Variants in RBFOX1 observed in about 807,000 individuals in gnomAD.
The protein encoded by RBFOX1 is RNA binding protein fox-1 homolog 1.
In RBFOX1, 8 loss-of-function variants were observed where a neutral mutation model predicts 57.7. That is an observed-to-expected ratio of 0.14 (90% CI 0.08 to 0.25). RBFOX1 has a LOEUF of 0.25. Ranked by LOEUF, RBFOX1 falls within the 10% of genes least tolerant of loss-of-function variation. The pLI, the probability that RBFOX1 is intolerant of heterozygous loss-of-function variation, is 1.00. For missense variants in RBFOX1, 611 were observed against 548.5 expected, an observed-to-expected ratio of 1.11 and a Z score of -1.14; for synonymous variants, 326 against 222.4, an observed-to-expected ratio of 1.47 and a Z score of -4.15.
intron 1 of RBFOX1, among the ~76,000 whole-genome samples, chr16:5,267,898 A>G (rs2062901834): frequency 6.6e-6 from 1 of 152,150 alleles, no homozygotes; most frequent in African/African-American, 2.4e-5. Context: ...CCTGGCCAAC[A>G]TGATGAAACA....
chr16:7,454,265 T>C (rs2058027302), intron 4 of RBFOX1, among the ~76,000 whole-genome samples: 1 of 152,094 alleles, frequency 6.6e-6, no homozygotes, highest in African/African-American at 2.4e-5. Flanking sequence ...TCATAGCCAA[T>C]GTCTTCCCAG....
intron 3 of RBFOX1, among the ~76,000 whole-genome samples, chr16:7,002,627 G>A (rs568881628): frequency 3.3e-5 from 5 of 152,190 alleles, no homozygotes; most frequent in Admixed American, 2.0e-4. Flanking sequence ...CAGGAGAATC[G>A]CTTGAACCTG....
intron 1 of RBFOX1, among the ~76,000 whole-genome samples, chr16:5,390,591 A>G (rs1294463296): frequency 6.6e-6 from 1 of 152,108 alleles, no homozygotes; most frequent in Non-Finnish European, 1.5e-5. Flanking sequence ...GCCTGGCCTC[A>G]TATATTATTT....
At chr16:7,430,443 CA>C (rs1348845284) in intron 4 of RBFOX1, among the ~76,000 whole-genome samples, 1 of 152,060 alleles carries the variant, frequency 6.6e-6, no homozygotes, top group Non-Finnish European at 1.5e-5. Flanking sequence ...AGGCAGATCA[CA>C]AGGTGAGGAA....
rs1170936027 is a variant in RBFOX1, at chr16:7,062,893, A to ATTTTTTTTTTT, written c.27+10820_27+10830dup. On this transcript the variant is annotated intron_variant, in intron 4 of 15. Coordinates refer to ENST00000550418, the MANE Select transcript of RBFOX1 (RefSeq NM_018723.4). ...ACCTCATCTCATTCAAATGATCGCC[A>ATTTTTTTTTTT]TTTTTTTTTTTTTTTTTTTTTTTTT... 7.0e-4 allele frequency among the ~76,000 whole-genome samples: 33 copies of ATTTTTTTTTTT among 47,296 alleles called. 2 individuals are homozygous for ATTTTTTTTTTT. The highest frequency in any genetic ancestry group is 1.2e-3 in the African/African-American group (13 of 10,918). 31.0% of individuals were successfully genotyped at this position (47,296 alleles called of 152,430 possible).
intron 4 of RBFOX1, among the ~76,000 whole-genome samples, chr16:7,073,610 G>A (rs1344152113): frequency 3.9e-5 from 6 of 152,060 alleles, no homozygotes; most frequent in African/African-American, 9.7e-5. Context: ...TTGGGAGGTC[G>A]AGGTGAGTGG....
intron 6 of RBFOX1, among the ~76,000 whole-genome samples, chr16:7,585,041 A>G (rs1223610745): frequency 6.6e-6 from 1 of 152,242 alleles, no homozygotes; most frequent in Admixed American, 6.5e-5. Context: ...AGAATGTTCC[A>G]TAGATGACAG....
At chr16:6,858,046 A>G (rs984311820) in intron 3 of RBFOX1, among the ~76,000 whole-genome samples, 2 of 152,212 alleles carry the variant, frequency 1.3e-5, no homozygotes, top group East Asian at 3.8e-4. Context: ...ACAAATGTTC[A>G]TCCCAAGAAT....
intron 2 of RBFOX1, among the ~76,000 whole-genome samples, chr16:5,515,959 G>A (rs1000457724): frequency 6.6e-6 from 1 of 152,156 alleles, no homozygotes; most frequent in East Asian, 1.9e-4. Context: ...GCCCAGAATA[G>A]TGCCACCAAA....
chr16:5,567,161 C>T (rs1296977941), intron 2 of RBFOX1, among the ~76,000 whole-genome samples: 2 of 152,122 alleles, frequency 1.3e-5, no homozygotes, highest in African/African-American at 4.8e-5. Context: ...ACAAATAAAG[C>T]CGGTGCCCAG....
chr16:6,017,468 C>G (rs975860467), upstream of RBFOX1, among the ~76,000 whole-genome samples: 5 of 152,014 alleles, frequency 3.3e-5, no homozygotes, highest in Non-Finnish European at 5.9e-5. Flanking sequence ...GTTACCAACC[C>G]AGATTTATGG....
intron 2 of RBFOX1, among the ~76,000 whole-genome samples, chr16:6,426,410 A>G (rs1289935969): frequency 6.6e-6 from 1 of 152,146 alleles, no homozygotes; most frequent in East Asian, 1.9e-4. Flanking sequence ...AATGCAGAGG[A>G]CAAGAGGAGG....
At chr16:7,276,331 T>A (rs1464899126) in intron 4 of RBFOX1, among the ~76,000 whole-genome samples, 1 of 152,186 alleles carries the variant, frequency 6.6e-6, no homozygotes, top group African/African-American at 2.4e-5. Context: ...GATGTCAGTC[T>A]GTTTGGAGGC....
intron 4 of RBFOX1, among the ~76,000 whole-genome samples, chr16:7,459,709 C>T (rs769700250): frequency 1.3e-5 from 2 of 152,166 alleles, no homozygotes; most frequent in South Asian, 4.1e-4. Flanking sequence ...ATATTGCTTG[C>T]ACCTGGAAAT....
intron 12 of RBFOX1, among the ~76,000 whole-genome samples, chr16:7,655,578 A>G (rs565425438): frequency 6.6e-6 from 1 of 152,344 alleles, no homozygotes; most frequent in South Asian, 2.1e-4. Flanking sequence ...GAAATGTAAA[A>G]ATAAAGATTT....
intron 4 of RBFOX1, among the ~76,000 whole-genome samples, chr16:7,334,780 C>G (rs748472228): frequency 6.6e-6 from 1 of 152,194 alleles, no homozygotes; most frequent in Non-Finnish European, 1.5e-5. Flanking sequence ...TGGGGAGGCC[C>G]TATTTCTTCC....
intron 3 of RBFOX1, among the ~76,000 whole-genome samples, chr16:5,811,131 C>G (rs1597344995): frequency 7.0e-6 from 1 of 143,184 alleles, no homozygotes; most frequent in African/African-American, 2.6e-5. Context: ...TAAATGAAAT[C>G]TTATGGAACA....
chr16:6,532,449 G>A (rs2096671790), intron 2 of RBFOX1, among the ~76,000 whole-genome samples: 1 of 152,154 alleles, frequency 6.6e-6, no homozygotes, highest in Non-Finnish European at 1.5e-5. Context: ...TTTCTTGAAT[G>A]TATGGAGGAC....
intron 2 of RBFOX1, among the ~76,000 whole-genome samples, chr16:6,405,962 ACCTT>A: frequency 6.6e-6 from 1 of 152,362 alleles, no homozygotes; most frequent in African/African-American, 2.4e-5. Flanking sequence ...ACATATTCCT[ACCTT>A]GGATGCTCAC....
Sources: allele counts gnomAD v4.1 joint callset (sites outside exome capture counted in the v4.1 genomes callset), GRCh38; gene constraint gnomAD v4.1.1; transcripts MANE v1.5; gene names NCBI Gene and HGNC (gene_info 2026-07-23, HGNC 2026-07-21).